The following TBC1D22A variants were observed in gnomAD, a reference collection of about 807,000 sequenced individuals.
TBC1D22A encodes the protein putative GTPase activator.
A neutral mutation model predicts 60.2 loss-of-function variants in TBC1D22A; 38 were observed. The ratio of observed to expected loss-of-function variants is 0.63; its 90% CI spans 0.49 to 0.83. The LOEUF is 0.83. Ranked by LOEUF, TBC1D22A falls within the 40% of genes least tolerant of loss-of-function variation. The probability of loss-of-function intolerance (pLI) is 0.00; values close to 1 mark genes in which losing one functional copy is unlikely to be tolerated. For synonymous variants in TBC1D22A, 302 were observed against 281.7 expected, an observed-to-expected ratio of 1.07 and a Z score of -0.72; for missense variants, 628 against 701.0, an observed-to-expected ratio of 0.90 and a Z score of 1.18.
intron 12 of TBC1D22A, among the ~76,000 whole-genome samples, chr22:47,166,027 T>C (rs2068197504): frequency 6.6e-6 from 1 of 152,250 alleles, no homozygotes; most frequent in Admixed American, 6.5e-5. Context: ...AGCCCCATCG[T>C]GATTAATTTA....
At chr22:47,097,877 A>G (rs774089069) in intron 11 of TBC1D22A, among the ~76,000 whole-genome samples, 70 of 152,008 alleles carry the variant, frequency 4.6e-4, no homozygotes, top group Non-Finnish European at 9.6e-4. Flanking sequence ...GAGGTTGCCT[A>G]CCTGCCTTTG....
intron 4 of TBC1D22A, among the ~76,000 whole-genome samples, chr22:46,850,606 A>C (rs2087228443): frequency 6.6e-6 from 1 of 152,224 alleles, no homozygotes; most frequent in African/African-American, 2.4e-5. Flanking sequence ...GCTGGTGTGG[A>C]AAAGAGCCTG....
chr22:46,971,190 C>T (rs995376087), intron 8 of TBC1D22A, among the ~76,000 whole-genome samples: 1 of 152,164 alleles, frequency 6.6e-6, no homozygotes, highest in African/African-American at 2.4e-5. Context: ...TAGAATAGGC[C>T]ACTGACATTT....
rs537832651 is a variant in TBC1D22A, at chr22:46,974,766, C to T, written c.1125+367C>T. On this transcript the variant is annotated intron_variant, in intron 9 of 12. Coordinates refer to ENST00000337137, the MANE Select transcript of TBC1D22A (RefSeq NM_014346.5). ...GGATCCTCCTTAAAGGGCCTCAGAT[C>T]GGGGGCCACAGCTCCTGGCCTCTGA... is the stretch of plus-strand genomic sequence containing the variant. Among the ~76,000 whole-genome samples, 808 of 152,304 alleles carry T rather than the reference C, an allele frequency of 5.3e-3. 11 individuals carry two copies. Among genetic ancestry groups the T allele is most frequent in the African/African-American group, 0.019 (775 of 41,574 alleles).
intron 8 of TBC1D22A, among the ~76,000 whole-genome samples, chr22:46,963,192 T>C (rs766754895): frequency 6.9e-6 from 1 of 144,248 alleles, no homozygotes; most frequent in Non-Finnish European, 1.5e-5. Context: ...CACCGCACTA[T>C]AGCCCGGGTG....
chr22:46,794,913 A>G (rs2084587633), intron 3 of TBC1D22A, among the ~76,000 whole-genome samples: 1 of 152,184 alleles, frequency 6.6e-6, no homozygotes, highest in Non-Finnish European at 1.5e-5. Context: ...CTCTCCCCAC[A>G]TTTCCAGCTG....
At chr22:47,093,002 T>C (rs775579336) in intron 11 of TBC1D22A, among the ~76,000 whole-genome samples, 5 of 152,102 alleles carry the variant, frequency 3.3e-5, no homozygotes, top group African/African-American at 4.8e-5. Flanking sequence ...ATTTGGGAAA[T>C]GGGAGGAGGA....
chr22:47,153,615 C>G (rs944894828), intron 12 of TBC1D22A, among the ~76,000 whole-genome samples: 14 of 152,072 alleles, frequency 9.2e-5, no homozygotes, highest in African/African-American at 3.1e-4. Context: ...GTCGTGCAAG[C>G]GAAAGATGAG....
chr22:46,768,955 A>G (rs773062725), intron 1 of TBC1D22A, among the ~76,000 whole-genome samples: 7 of 151,914 alleles, frequency 4.6e-5, no homozygotes, highest in Non-Finnish European at 7.4e-5. Context: ...ATAGCTGGAC[A>G]TTGTGGCAGG....
At chr22:46,980,536 A>T (rs2074473987) in intron 9 of TBC1D22A, among the ~76,000 whole-genome samples, 1 of 152,240 alleles carries the variant, frequency 6.6e-6, no homozygotes, top group East Asian at 1.9e-4. Flanking sequence ...TCGAAATTAG[A>T]GTCACTGAAA....
intron 4 of TBC1D22A, among the ~76,000 whole-genome samples, chr22:46,858,404 G>T (rs780514396): frequency 6.6e-6 from 1 of 152,194 alleles, no homozygotes; most frequent in Non-Finnish European, 1.5e-5. Context: ...CGGGCTGGAG[G>T]CAGCCGACAG....
intron 6 of TBC1D22A, 51 bp from the exon 7 acceptor site, chr22:46,894,733 A>G: frequency 1.2e-6 from 2 of 1,603,824 alleles, no homozygotes; most frequent in Non-Finnish European, 8.5e-7. Context: ...ATCGCTCGTA[A>G]TGATGTTTGT....
intron 8 of TBC1D22A, among the ~76,000 whole-genome samples, chr22:46,968,057 G>A (rs374297437): frequency 6.6e-6 from 1 of 152,376 alleles, no homozygotes. Context: ...GAGACCCAGA[G>A]CTTGGGTGGC....
At chr22:46,871,153 A>T (rs527318417) in intron 4 of TBC1D22A, among the ~76,000 whole-genome samples, 10 of 152,364 alleles carry the variant, frequency 6.6e-5, no homozygotes, top group African/African-American at 2.4e-4. Flanking sequence ...TGATGAAAGG[A>T]TCAATTCCTT....
intron 10 of TBC1D22A, among the ~76,000 whole-genome samples, chr22:47,017,455 G>T (rs1005554): frequency 1.3e-5 from 2 of 151,936 alleles, no homozygotes; most frequent in South Asian, 2.1e-4. Flanking sequence ...GGAGCTGGGC[G>T]TTGGGCAGGC....
chr22:46,915,405 G>T (rs2070286859), intron 8 of TBC1D22A: 1 of 456,562 alleles, frequency 2.2e-6, no homozygotes, highest in South Asian at 1.5e-5. Context: ...AACAGAGCCT[G>T]GTAATGGGAT....
intron 8 of TBC1D22A, among the ~76,000 whole-genome samples, chr22:46,929,000 G>T (rs1436351419): frequency 6.6e-6 from 1 of 152,096 alleles, no homozygotes; most frequent in Non-Finnish European, 1.5e-5. Flanking sequence ...TTCTTCTGGG[G>T]GGAGGCAAAA....
At chr22:46,920,881 C>T (rs978733911) in intron 8 of TBC1D22A, among the ~76,000 whole-genome samples, 3 of 151,824 alleles carry the variant, frequency 2.0e-5, no homozygotes, top group African/African-American at 7.3e-5. Context: ...AGCGATTCTC[C>T]TGTCTTAGCC....
At chr22:47,091,138 G>T (rs1337817152) in intron 11 of TBC1D22A, among the ~76,000 whole-genome samples, 1 of 142,338 alleles carries the variant, frequency 7.0e-6, no homozygotes. Context: ...GGGAGGGGGT[G>T]ACTGCTTGTT....
Sources: allele counts gnomAD v4.1 joint callset (sites outside exome capture counted in the v4.1 genomes callset), GRCh38; gene constraint gnomAD v4.1.1; transcripts MANE v1.5; gene names NCBI Gene and HGNC (gene_info 2026-07-23, HGNC 2026-07-21).